The following POLN variants were observed in gnomAD, a reference collection of about 807,000 sequenced individuals.
The protein encoded by POLN is DNA polymerase nu, also known as DNA polymerase N.
A neutral mutation model predicts 113.5 loss-of-function variants in POLN; 108 were observed. The observed-to-expected ratio is 0.95, with a 90% confidence interval of 0.81 to 1.12. The LOEUF (loss-of-function observed/expected upper bound fraction) is 1.12. Among genes scored for constraint, POLN ranks in the 50% most tolerant of loss-of-function variants. The pLI is 0.00. For missense variants in POLN, 1,097 were observed against 1,077.1 expected, an observed-to-expected ratio of 1.02 and a Z score of -0.26; for synonymous variants, 386 against 391.5, an observed-to-expected ratio of 0.99 and a Z score of 0.17.
intron 14 of POLN, among the ~76,000 whole-genome samples, 189 bp from the exon 15 acceptor site, chr4:2,158,100 C>T (rs986547169): frequency 1.3e-5 from 2 of 152,020 alleles, no homozygotes; most frequent in South Asian, 4.1e-4. Context: ...TACAGGCATG[C>T]GCCACCATGC....
chr4:2,238,962 T>C (rs1734870961), intron 2 of POLN: 2 of 1,593,128 alleles, frequency 1.3e-6, no homozygotes, highest in Non-Finnish European at 1.7e-6. Context: ...CTGTCTTTTA[T>C]TTGAGTGACC....
rs144168555 is a variant in POLN at position 2,160,922 on chromosome 4, T to C, written c.1555-1711A>G. 3.6e-4 allele frequency among the ~76,000 whole-genome samples: 55 copies of C among 152,322 alleles called. No homozygotes were observed. In the East Asian group the frequency reaches 9.7e-3, roughly 27 times the overall value. ...TTAGATACACAATTCACCTGGAATTTATGTTTGTGTGCTGCATGAAATGGG... is the reference window on the plus strand; with the variant it reads ...TTAGATACACAATTCACCTGGAATTCATGTTTGTGTGCTGCATGAAATGGG... On this transcript the variant is annotated intron_variant, in intron 13 of 25. Transcript: ENST00000511885.
intron 3 of POLN, chr4:2,227,583 T>C (rs1196246642): frequency 2.6e-5 from 4 of 152,228 alleles, no homozygotes. Flanking sequence ...ATCATATCTT[T>C]TTCTATTACC....
chr4:2,147,638 C>CTTCTCTTTTTT, intron 16 of POLN, among the ~76,000 whole-genome samples: 3 of 21,124 alleles, frequency 1.4e-4, no homozygotes, highest in Non-Finnish European at 6.3e-4. Context: ...TCCAGTTTTT[C>CTTCTCTTTTTT]TTTTCTTTTT....
chr4:2,078,724 C>T, intron 23 of POLN: 2 of 985,496 alleles, frequency 2.0e-6, no homozygotes, highest in Non-Finnish European at 2.4e-6. Context: ...CAATATTCCA[C>T]ACGAGTCTGC....
intron 4 of POLN, 24 bp downstream of exon 4, chr4:2,213,023 T>G (rs761935564): frequency 3.9e-6 from 6 of 1,528,844 alleles, no homozygotes; most frequent in Non-Finnish European, 5.4e-6. Flanking sequence ...CTATTTAAAA[T>G]TACTCATATG....
At chr4:2,217,454 C>T (rs2108768230) in intron 3 of POLN, among the ~76,000 whole-genome samples, 1 of 152,304 alleles carries the variant, frequency 6.6e-6, no homozygotes, top group Middle Eastern at 3.4e-3. Context: ...GTTGTGCCTG[C>T]TTGTACCTAG....
chr4:2,076,753 T>C (rs967207208), intron 23 of POLN: 2 of 152,308 alleles, frequency 1.3e-5, no homozygotes, highest in Non-Finnish European at 2.9e-5. Context: ...CCAGCTGGGA[T>C]AAGGGGCAGC....
At chr4:2,180,185 T>C (rs1733100015) in intron 7 of POLN, among the ~76,000 whole-genome samples, 1 of 152,220 alleles carries the variant, frequency 6.6e-6, no homozygotes, top group African/African-American at 2.4e-5. Flanking sequence ...GAAAGATTAC[T>C]GTAATTATGT....
intron 19 of POLN, among the ~76,000 whole-genome samples, chr4:2,107,110 T>G (rs1731084104): frequency 6.6e-6 from 1 of 152,160 alleles, no homozygotes. Flanking sequence ...TCTTTTTCAT[T>G]GCACCTTTTC....
At position 2,174,694 on chromosome 4, in the gene POLN, C is replaced by T. The variant is rs756508927; in HGVS notation, c.1306G>A (p.Ala436Thr). The change falls in exon 10 of 26, where the codon GCA (alanine) becomes ACA (threonine). Residue 436 changes from alanine (A) to threonine (T), a missense_variant. By Grantham distance (58) the Ala-to-Thr change is moderately conservative. Transcript: ENST00000511885. ...CTTCATCTTTATGGTAACTTACCTG[C>T]CAAAATTGGTATCAGAGGAAGCTCC... ...TLELPLIPIL[A>T]VMESHAIQVN... 6.2e-7 allele frequency: 1 copy of T among 1,607,390 alleles called. No homozygotes were observed. The highest frequency in any genetic ancestry group is 1.1e-5 in the South Asian group (1 of 90,888).
At chr4:2,188,917 C>G (rs903954912) in intron 7 of POLN, among the ~76,000 whole-genome samples, 1 of 152,016 alleles carries the variant, frequency 6.6e-6, no homozygotes, top group Non-Finnish European at 1.5e-5. Context: ...TTAGTTTTTC[C>G]TTTATTTGTT....
chr4:2,159,041 C>T, intron 14 of POLN, 114 bp downstream of exon 14: 2 of 815,338 alleles, frequency 2.5e-6, no homozygotes, highest in East Asian at 2.5e-5. Context: ...CTCTATTCCC[C>T]TGAGAACACT....
intron 19 of POLN, among the ~76,000 whole-genome samples, chr4:2,116,638 C>T (rs1731325187): frequency 3.3e-5 from 5 of 151,680 alleles, no homozygotes; most frequent in Admixed American, 2.6e-4. Context: ...TAGGGGAACT[C>T]TTGTTGCCTT....
At chr4:2,080,711 G>A in intron 23 of POLN, 9 of 1,397,546 alleles carry the variant, frequency 6.4e-6, no homozygotes, top group Non-Finnish European at 8.4e-6. Flanking sequence ...GAGGAGGAGG[G>A]GTCTGGGGGA....
At chr4:2,162,950 C>T (rs1470031160) in intron 13 of POLN, among the ~76,000 whole-genome samples, 1 of 150,716 alleles carries the variant, frequency 6.6e-6, no homozygotes, top group African/African-American at 2.5e-5. Flanking sequence ...AGTGATCCCC[C>T]GCGCCCAGAT....
intron 19 of POLN, among the ~76,000 whole-genome samples, chr4:2,118,765 C>A (rs888721745): frequency 2.0e-5 from 3 of 152,208 alleles, no homozygotes; most frequent in Non-Finnish European, 4.4e-5. Flanking sequence ...GAAGTCACTC[C>A]CAACCCTCAC....
chr4:2,100,563 A>G (rs948834806), intron 19 of POLN, among the ~76,000 whole-genome samples: 5 of 152,222 alleles, frequency 3.3e-5, no homozygotes, highest in Non-Finnish European at 5.9e-5. Flanking sequence ...GTTTTACCTT[A>G]GCACACTTTC....
intron 3 of POLN, among the ~76,000 whole-genome samples, chr4:2,225,556 A>G (rs1320359913): frequency 1.3e-5 from 2 of 152,066 alleles, no homozygotes; most frequent in Non-Finnish European, 2.9e-5. Flanking sequence ...TCCAACTCAA[A>G]AAAAAGAAAG....
Sources: gnomAD v4.1 joint callset for allele counts (sites outside exome capture counted in the v4.1 genomes callset) on GRCh38, gnomAD v4.1.1 for gene constraint, MANE v1.5 for transcripts, NCBI Gene and HGNC (gene_info 2026-07-23, HGNC 2026-07-21) for gene names.